Variants in LINGO2 observed in about 807,000 individuals in gnomAD.
LINGO2 encodes leucine-rich repeat and immunoglobulin-like domain-containing nogo receptor-interacting protein 2.
In LINGO2, 14 loss-of-function variants were observed where a neutral mutation model predicts 30.6. The observed-to-expected ratio is 0.46, with a 90% CI of 0.30 to 0.72. LINGO2 has a LOEUF of 0.72. Ranked by LOEUF, LINGO2 falls within the 30% of genes least tolerant of loss-of-function variation. The pLI is 0.07. For synonymous variants in LINGO2, 317 were observed against 288.5 expected, an observed-to-expected ratio of 1.10 and a Z score of -1.00; for missense variants, 729 against 751.7, an observed-to-expected ratio of 0.97 and a Z score of 0.35.
chr9:28,740,462 T>C, the LINGO2 span, among the ~76,000 whole-genome samples: 1 of 151,932 alleles, frequency 6.6e-6, no homozygotes, highest in African/African-American at 2.4e-5. Flanking sequence ...TGGAATTTTG[T>C]TTCCTGTTAT....
At chr9:28,108,722 C>A (rs745695413) in intron 4 of LINGO2, among the ~76,000 whole-genome samples, 1 of 152,064 alleles carries the variant, frequency 6.6e-6, no homozygotes. Flanking sequence ...AACCAACAGT[C>A]CTTGAATACT....
At chr9:28,729,415 A>G in the LINGO2 span, among the ~76,000 whole-genome samples, 1 of 152,132 alleles carries the variant, frequency 6.6e-6, no homozygotes, top group Admixed American at 6.5e-5. Context: ...CAGAACAGAA[A>G]CAGAGGAAAA....
rs549853186 is a variant in LINGO2 at position 28,295,927 on chromosome 9, T to C, written c.-245-561A>G. Among the ~76,000 whole-genome samples the C allele has an allele frequency of 1.3e-4, 20 of 152,290 alleles. 1 individual carries two copies. The South Asian group carries it at 3.7e-3, about 28-fold the overall frequency. On this transcript the variant is annotated intron_variant, in intron 3 of 5. Transcript: ENST00000379992. ...AACTTTGAGGGACATATGTAAGGTG[T>C]TGCAAATTCAGCAGCCACCATTATT...
chr9:28,100,231 T>C (rs1484353714), intron 4 of LINGO2, among the ~76,000 whole-genome samples: 2 of 152,272 alleles, frequency 1.3e-5, no homozygotes, highest in Middle Eastern at 3.4e-3. Flanking sequence ...AGAGTCCCCA[T>C]GAAAGCTTCT....
chr9:29,066,689 T>C, the LINGO2 span, among the ~76,000 whole-genome samples: 1 of 152,028 alleles, frequency 6.6e-6, no homozygotes, highest in East Asian at 1.9e-4. Flanking sequence ...AATGAAAGTG[T>C]CAGGGAAAAC....
intron 1 of LINGO2, among the ~76,000 whole-genome samples, chr9:28,554,143 T>C (rs564807185): frequency 1.3e-5 from 2 of 151,412 alleles, no homozygotes; most frequent in African/African-American, 2.4e-5. Flanking sequence ...AATTCACACA[T>C]AACCATATTA....
chr9:28,266,499 T>G (rs1001605459), intron 4 of LINGO2, among the ~76,000 whole-genome samples: 1 of 151,990 alleles, frequency 6.6e-6, no homozygotes, highest in Non-Finnish European at 1.5e-5. Context: ...AAAGCATACA[T>G]TTGCTTAGAC....
the LINGO2 span, among the ~76,000 whole-genome samples, chr9:28,704,167 TCTTC>T: frequency 6.8e-6 from 1 of 148,012 alleles, no homozygotes; most frequent in African/African-American, 2.5e-5. Flanking sequence ...GTCTAAGAAA[TCTTC>T]CTTTTATCTT....
the LINGO2 span, among the ~76,000 whole-genome samples, chr9:29,108,184 A>G: frequency 4.6e-5 from 7 of 152,140 alleles, no homozygotes; most frequent in South Asian, 1.4e-3. Flanking sequence ...ACATTATTTC[A>G]TTGCTTAATT....
At chr9:28,492,870 C>T (rs765507723) in intron 1 of LINGO2, among the ~76,000 whole-genome samples, 2 of 152,070 alleles carry the variant, frequency 1.3e-5, no homozygotes, top group African/African-American at 2.4e-5. Context: ...GTGAGGGGAG[C>T]GGGCGGGTGG....
chr9:28,692,731 C>T, the LINGO2 span, among the ~76,000 whole-genome samples: 2 of 152,014 alleles, frequency 1.3e-5, no homozygotes, highest in Non-Finnish European at 2.9e-5. Flanking sequence ...AGAAAATTGC[C>T]TCATGTTGGG....
chr9:28,278,146 C>T (rs945748278), intron 4 of LINGO2, among the ~76,000 whole-genome samples: 6 of 152,138 alleles, frequency 3.9e-5, no homozygotes, highest in African/African-American at 1.4e-4. Flanking sequence ...CACTTTAATT[C>T]TATCAAGGTA....
intron 5 of LINGO2, among the ~76,000 whole-genome samples, chr9:27,978,700 G>T (rs1247002133): frequency 6.6e-6 from 1 of 151,948 alleles, no homozygotes; most frequent in Non-Finnish European, 1.5e-5. Context: ...AACCTGAACA[G>T]ACTAAGACAG....
At chr9:28,018,443 C>T (rs1251781646) in intron 4 of LINGO2, among the ~76,000 whole-genome samples, 1 of 151,924 alleles carries the variant, frequency 6.6e-6, no homozygotes. Flanking sequence ...AAAATATTTG[C>T]AAACTATGCA....
At chr9:27,992,328 T>A (rs1167757557) in intron 5 of LINGO2, among the ~76,000 whole-genome samples, 1 of 152,142 alleles carries the variant, frequency 6.6e-6, no homozygotes, top group East Asian at 1.9e-4. Flanking sequence ...AACGTAGCCA[T>A]AGATACAATG....
At chr9:28,975,758 T>C in the LINGO2 span, among the ~76,000 whole-genome samples, 2 of 152,210 alleles carry the variant, frequency 1.3e-5, no homozygotes, top group African/African-American at 4.8e-5. Context: ...TAGTGTCCTA[T>C]GGAATTACAC....
chr9:28,868,139 C>T, the LINGO2 span, among the ~76,000 whole-genome samples: 4 of 152,012 alleles, frequency 2.6e-5, no homozygotes, highest in East Asian at 7.7e-4. Context: ...TAGTGTGTGT[C>T]GTTAACTTTG....
chr9:28,809,830 C>T, the LINGO2 span, among the ~76,000 whole-genome samples: 1 of 151,256 alleles, frequency 6.6e-6, no homozygotes, highest in Admixed American at 6.6e-5. Context: ...GGCTAATCTT[C>T]CCTATAGCTC....
At chr9:28,007,812 C>G (rs1822341619) in intron 5 of LINGO2, among the ~76,000 whole-genome samples, 1 of 152,088 alleles carries the variant, frequency 6.6e-6, no homozygotes, top group African/African-American at 2.4e-5. Context: ...TGTAAGTGAC[C>G]TGGTGTGAAA....
Sources: allele counts gnomAD v4.1 joint callset (sites outside exome capture counted in the v4.1 genomes callset), GRCh38; gene constraint gnomAD v4.1.1; transcripts MANE v1.5; gene names NCBI Gene and HGNC (gene_info 2026-07-23, HGNC 2026-07-21).